SLIT3: variants seen among roughly 807,000 people sequenced by gnomAD.
SLIT3 encodes the protein slit homolog 3 protein.
Under a neutral mutation model 184.0 loss-of-function variants are expected in SLIT3, and 68 were observed. The ratio of observed to expected loss-of-function variants is 0.37; its 90% CI spans 0.30 to 0.45. The LOEUF is 0.45. SLIT3 is among the 20% of genes least tolerant of loss of function. SLIT3 has a pLI of 1.00. For missense variants in SLIT3, 1,707 were observed against 2,026.0 expected, an observed-to-expected ratio of 0.84 and a Z score of 3.02; for synonymous variants, 831 against 828.6, an observed-to-expected ratio of 1.00 and a Z score of -0.05.
Position 168,666,583 on chromosome 5 carries a change from G to A in SLIT3, c.4443C>T (p.Gly1481=), listed in dbSNP as rs267600539. The A allele has an allele frequency of 1.7e-5, 27 of 1,614,048 alleles. No individual in the cohort carries two copies. The highest frequency in any genetic ancestry group is 2.2e-5 in the Non-Finnish European group (26 of 1,180,034). ...SKVPIMECRG[G]CGPQCCQPTR... is the part of the protein sequence containing the mutation. ...TGGGCTGGCAGCACTGGGGCCCACAGCCCCCACGACATTCCATGATGGGCA... is the reference window on the plus strand; with the variant it reads ...TGGGCTGGCAGCACTGGGGCCCACAACCCCCACGACATTCCATGATGGGCA... The change falls in exon 36 of 36, where the codon GGC becomes GGT. Residue 1481 remains glycine (G), a synonymous_variant. Coordinates refer to ENST00000519560, the MANE Select transcript of SLIT3 (RefSeq NM_003062.4).
chr5:168,830,869 T>G (rs1484510753), intron 6 of SLIT3, among the ~76,000 whole-genome samples: 3 of 152,210 alleles, frequency 2.0e-5, no homozygotes, highest in African/African-American at 7.2e-5. Flanking sequence ...AGCTTCCACA[T>G]TTTTCCAAGG....
At chr5:168,965,874 G>A (rs62377227) in intron 4 of SLIT3, among the ~76,000 whole-genome samples, 5,968 of 152,208 alleles carry the variant, frequency 0.039, 153 homozygotes, top group Middle Eastern at 0.065. Context: ...CTCTCTCTCT[G>A]TACTTCATCC....
At chr5:169,272,167 A>T (rs1301786123) in intron 1 of SLIT3, among the ~76,000 whole-genome samples, 1 of 152,174 alleles carries the variant, frequency 6.6e-6, no homozygotes, top group Non-Finnish European at 1.5e-5. Flanking sequence ...GACAGGAGAG[A>T]AATGGACCTT....
intron 5 of SLIT3, among the ~76,000 whole-genome samples, chr5:168,880,039 C>T (rs538442820): frequency 6.6e-6 from 1 of 152,332 alleles, no homozygotes; most frequent in East Asian, 1.9e-4. Flanking sequence ...TCCATGGCCT[C>T]TAGCAACTCA....
chr5:168,708,182 T>G (rs1762434174), intron 25 of SLIT3, 82 bp from the exon 26 acceptor site: 3 of 1,590,182 alleles, frequency 1.9e-6, no homozygotes, highest in Admixed American at 3.4e-5. Context: ...CTCTGGGCCC[T>G]CCCTCAGCCA....
chr5:168,961,858 ATGTG>A lies in SLIT3; in HGVS notation c.414-78526_414-78523del, dbSNP rs35895529. On this transcript the variant is annotated intron_variant, in intron 4 of 35. Coordinates refer to ENST00000519560, the MANE Select transcript of SLIT3 (RefSeq NM_003062.4). ...TACTATTTCAGGCATGCATGCACGCATGTGTGTGTGTGTGTGTGTGTGTGTGTAT... is the reference window on the plus strand; with the variant it reads ...TACTATTTCAGGCATGCATGCACGCATGTGTGTGTGTGTGTGTGTGTGTAT... Among the ~76,000 whole-genome samples, 285 of 148,498 alleles carry A rather than the reference ATGTG, an allele frequency of 1.9e-3. 1 individual carries two copies. The highest frequency in any genetic ancestry group is 6.9e-3 in the Middle Eastern group (2 of 288).
intron 4 of SLIT3, among the ~76,000 whole-genome samples, chr5:168,946,719 C>T (rs988807481): frequency 6.6e-6 from 1 of 152,146 alleles, no homozygotes; most frequent in African/African-American, 2.4e-5. Flanking sequence ...CTTTCGACAC[C>T]GGACACACGC....
chr5:168,902,638 C>T (rs1021848040), intron 4 of SLIT3, among the ~76,000 whole-genome samples: 6 of 152,198 alleles, frequency 3.9e-5, no homozygotes, highest in African/African-American at 1.4e-4. Flanking sequence ...ATGCTCAGAT[C>T]TAATCTCAGC....
Position 169,124,867 on chromosome 5 carries a change from C to T in SLIT3, c.413+68612G>A, listed in dbSNP as rs114708933. Reference sequence around the variant, plus strand: ...TTTTTAGCCTATTATATCCTGCCCTCTTCACATATGAGCTAACATATATTT... The same window carrying T: ...TTTTTAGCCTATTATATCCTGCCCTTTTCACATATGAGCTAACATATATTT... On this transcript the variant is annotated intron_variant, in intron 4 of 35. Coordinates refer to ENST00000519560, the MANE Select transcript of SLIT3 (RefSeq NM_003062.4). 6.3e-3 allele frequency among the ~76,000 whole-genome samples: 962 copies of T among 152,246 alleles called. 8 individuals are homozygous for T. The highest frequency in any genetic ancestry group is 0.022 in the African/African-American group (918 of 41,538).
At chr5:169,174,073 T>G (rs1235349375) in intron 4 of SLIT3, among the ~76,000 whole-genome samples, 1 of 152,080 alleles carries the variant, frequency 6.6e-6, no homozygotes, top group Non-Finnish European at 1.5e-5. Flanking sequence ...GGTGCCAATC[T>G]GCCAGGGCTC....
At chr5:169,241,519 C>T (rs1765404674) in intron 3 of SLIT3, among the ~76,000 whole-genome samples, 1 of 152,064 alleles carries the variant, frequency 6.6e-6, no homozygotes, top group Non-Finnish European at 1.5e-5. Flanking sequence ...CCAGTTGTGA[C>T]AATCAAAAAT....
chr5:168,918,415 G>A (rs189554885), intron 4 of SLIT3, among the ~76,000 whole-genome samples: 15 of 152,252 alleles, frequency 9.9e-5, no homozygotes, highest in Admixed American at 3.3e-4. Flanking sequence ...AGGGCCCCTG[G>A]GGCTAGTAAT....
chr5:168,858,112 A>C (rs1758965472), intron 5 of SLIT3, among the ~76,000 whole-genome samples: 1 of 152,228 alleles, frequency 6.6e-6, no homozygotes, highest in African/African-American at 2.4e-5. Flanking sequence ...CAATAATTTC[A>C]TAGCTTTTAG....
At chr5:168,955,988 C>A (rs765072249) in intron 4 of SLIT3, among the ~76,000 whole-genome samples, 1 of 152,140 alleles carries the variant, frequency 6.6e-6, no homozygotes, top group Non-Finnish European at 1.5e-5. Flanking sequence ...GTGTCCATAG[C>A]GGCAAAATGA....
In SLIT3 at chr5:169,300,885, G is replaced by A. The variant is rs1338531516; in HGVS notation, c.-176C>T. On this transcript the variant is annotated 5_prime_UTR_variant, in exon 1 of 36. Coordinates refer to ENST00000519560, the MANE Select transcript of SLIT3 (RefSeq NM_003062.4). This position sits in a 1 kb window ranked among gnomAD's most constrained non-coding sequence, Gnocchi z 4.1. ...GCGCGGGCGGAGCGGGGCGCTCCGGGCGGCGGCGGCGGCAGCAACAGCAGC... is the reference window on the plus strand; with the variant it reads ...GCGCGGGCGGAGCGGGGCGCTCCGGACGGCGGCGGCGGCAGCAACAGCAGC... 35 of 390,470 alleles carry A rather than the reference G, an allele frequency of 9.0e-5. No individual in the cohort carries two copies. Among genetic ancestry groups the A allele is most frequent in the Admixed American group, 1.5e-4 (3 of 19,384 alleles). 24.2% of individuals were successfully genotyped at this position (390,470 alleles called of 1,614,324 possible).
chr5:168,859,473 TGTATG>T (rs1321229389), intron 5 of SLIT3, among the ~76,000 whole-genome samples: 1 of 152,206 alleles, frequency 6.6e-6, no homozygotes, highest in Non-Finnish European at 1.5e-5. Context: ...TCAAAATTAA[TGTATG>T]GCACAAAGAT....
intron 1 of SLIT3, among the ~76,000 whole-genome samples, chr5:169,272,952 T>C (rs1005291332): frequency 7.9e-5 from 12 of 152,172 alleles, no homozygotes; most frequent in African/African-American, 2.7e-4. Flanking sequence ...AGCCCAGGCA[T>C]GACCTTTCCC....
At chr5:168,746,254 C>T (rs933155925) in intron 20 of SLIT3, among the ~76,000 whole-genome samples, 2 of 110,872 alleles carry the variant, frequency 1.8e-5, no homozygotes, top group Non-Finnish European at 3.6e-5. Flanking sequence ...AGTCAAGCAT[C>T]AGATGTGTGT....
chr5:169,094,837 C>T (rs1183039857), intron 4 of SLIT3, among the ~76,000 whole-genome samples: 1 of 152,216 alleles, frequency 6.6e-6, no homozygotes, highest in African/African-American at 2.4e-5. Flanking sequence ...TATTTACTGT[C>T]CACAGTTGCA....
Sources: allele counts gnomAD v4.1 joint callset (sites outside exome capture counted in the v4.1 genomes callset), GRCh38; gene constraint gnomAD v4.1.1; non-coding constraint Gnocchi (gnomAD v3.1); transcripts MANE v1.5; gene names NCBI Gene and HGNC (gene_info 2026-07-23, HGNC 2026-07-21).